Variants in WNK3 observed in about 807,000 individuals in gnomAD.
The protein encoded by WNK3 is serine/threonine-protein kinase WNK3.
Under a neutral mutation model 116.7 loss-of-function variants are expected in WNK3, and 18 were observed. The ratio of observed to expected loss-of-function variants is 0.15; its 90% CI spans 0.11 to 0.23. WNK3 has a LOEUF of 0.23. WNK3 is among the 10% of genes least tolerant of loss of function. WNK3 has a pLI of 1.00. For missense variants in WNK3, 993 were observed against 1,323.8 expected, an observed-to-expected ratio of 0.75 and a Z score of 3.88; for synonymous variants, 404 against 469.4, an observed-to-expected ratio of 0.86 and a Z score of 1.80.
At chrX:54,268,080 GCACACACACA>G (rs57010526) in intron 10 of WNK3, among the ~76,000 whole-genome samples, 127 of 80,797 alleles carry the variant, frequency 1.6e-3, no homozygotes, top group South Asian at 8.7e-3. Flanking sequence ...CTGAATGCGT[GCACACACACA>G]CACACACACA....
intron 19 of WNK3, among the ~76,000 whole-genome samples, chrX:54,238,101 C>T (rs781791982): frequency 4.5e-5 from 5 of 110,193 alleles, no homozygotes; most frequent in Admixed American, 9.8e-5. Flanking sequence ...GGTGTGGTGG[C>T]GCGCACTTGT....
intron 17 of WNK3, among the ~76,000 whole-genome samples, chrX:54,246,393 T>C (rs1557152695): frequency 9.3e-6 from 1 of 107,727 alleles, no homozygotes; most frequent in Admixed American, 9.9e-5. Flanking sequence ...GAACATAAGG[T>C]TTTAAAAAAT....
chrX:54,284,346 T>A (rs1005275501), intron 10 of WNK3, among the ~76,000 whole-genome samples: 1 of 111,731 alleles, frequency 9.0e-6, no homozygotes, highest in Admixed American at 9.6e-5. Flanking sequence ...CACGATGAGA[T>A]ACCACTATAC....
At chrX:54,266,807 G>A (rs1371427274) in intron 10 of WNK3, among the ~76,000 whole-genome samples, 1 of 110,752 alleles carries the variant, frequency 9.0e-6, no homozygotes, top group Non-Finnish European at 1.9e-5. Flanking sequence ...CATGTGCCAT[G>A]GTGGTTTGCT....
At position 54,212,397 on chromosome X, in the gene WNK3, C is replaced by T. The variant is rs146258122; in HGVS notation, c.4871-10204G>A. On this transcript the variant is annotated intron_variant, in intron 22 of 23. Coordinates refer to ENST00000354646, the Ensembl canonical transcript of WNK3. ...GCACAGAAAAGGCACAAAGAATGAA[C>T]CTTAATATATGCAAGTTTAAAAAGC... Among the ~76,000 whole-genome samples, 568 of 111,146 alleles carry T rather than the reference C, an allele frequency of 5.1e-3. 6 individuals carry two copies. The highest frequency in any genetic ancestry group is 0.018 in the African/African-American group (554 of 30,672).
chrX:54,207,368 C>G (rs1303280361), intron 22 of WNK3, among the ~76,000 whole-genome samples: 10 of 111,309 alleles, frequency 9.0e-5, no homozygotes, highest in Admixed American at 8.7e-4. Context: ...TGTAAATCCT[C>G]CATTTCACCC....
chrX:54,211,924 C>CA (rs782076963), intron 22 of WNK3, among the ~76,000 whole-genome samples: 4,269 of 105,019 alleles, frequency 0.041, 95 homozygotes, highest in Non-Finnish European at 0.067. Context: ...ATTTAGAACT[C>CA]AAAAAAAAAA....
intron 19 of WNK3, among the ~76,000 whole-genome samples, 182 bp from the exon 20 acceptor site, chrX:54,237,733 A>G (rs1265300281): frequency 9.0e-6 from 1 of 111,510 alleles, no homozygotes; most frequent in Non-Finnish European, 1.9e-5. Flanking sequence ...AAATTCCACA[A>G]TTAGAGTTGC....
chrX:54,332,731 C>A (rs1397910534), intron 2 of WNK3, among the ~76,000 whole-genome samples: 5 of 109,205 alleles, frequency 4.6e-5, no homozygotes, highest in African/African-American at 1.3e-4. Flanking sequence ...TACTAAAAAA[C>A]CAAAAAATTA....
intron 5 of WNK3, among the ~76,000 whole-genome samples, chrX:54,302,719 C>CTG (rs2147142694): frequency 3.2e-5 from 1 of 31,242 alleles, no homozygotes; most frequent in South Asian, 1.9e-3. Context: ...CTCTCTCTCT[C>CTG]TCTCTCTCTC....
intron 17 of WNK3, among the ~76,000 whole-genome samples, chrX:54,246,327 T>C (rs1391354308): frequency 9.1e-6 from 1 of 109,983 alleles, no homozygotes; most frequent in Non-Finnish European, 1.9e-5. Flanking sequence ...TACAGCTGAA[T>C]ACCAAGAGAG....
chrX:54,284,017 G>C (rs782169570), intron 10 of WNK3, among the ~76,000 whole-genome samples: 1 of 110,521 alleles, frequency 9.0e-6, no homozygotes, highest in Admixed American at 9.8e-5. Flanking sequence ...GCCACAGAAA[G>C]TAGTAACTAC....
intron 10 of WNK3, among the ~76,000 whole-genome samples, chrX:54,264,767 G>T (rs1293854297): frequency 9.0e-6 from 1 of 110,853 alleles, no homozygotes; most frequent in Non-Finnish European, 1.9e-5. Flanking sequence ...GTGATCAAAG[G>T]TCTGTAAGAA....
chrX:54,306,749 T>C (rs1264372006), intron 5 of WNK3, among the ~76,000 whole-genome samples: 1 of 110,697 alleles, frequency 9.0e-6, no homozygotes, highest in Non-Finnish European at 1.9e-5. Flanking sequence ...ATAATAACAA[T>C]AATATACTGT....
intron 21 of WNK3, among the ~76,000 whole-genome samples, chrX:54,231,490 C>T (rs1557148904): frequency 1.8e-5 from 2 of 111,938 alleles, no homozygotes; most frequent in Non-Finnish European, 3.8e-5. Context: ...CTGGCCTTTC[C>T]AGCTTCCAGA....
At chrX:54,227,203 A>T (rs886815234) in intron 22 of WNK3, among the ~76,000 whole-genome samples, 26 of 110,354 alleles carry the variant, frequency 2.4e-4, no homozygotes, top group East Asian at 5.7e-4. Context: ...TGTCTTAAAA[A>T]TTTTTTTTTC....
chrX:54,208,991 C>A (rs782535420), intron 22 of WNK3, among the ~76,000 whole-genome samples: 37 of 111,485 alleles, frequency 3.3e-4, no homozygotes, highest in Non-Finnish European at 5.6e-4. Flanking sequence ...CTCAGAGGCA[C>A]GTACTAAAAT....
chrX:54,251,751 A>G lies in WNK3; in HGVS notation c.2368-64T>C. ...TTTCTTCAAAGTTATAATATTATAT[A>G]AATAGTGACTATCACATAAAGAAAG... On this transcript the variant is annotated intron_variant, in intron 13 of 23. Coordinates refer to ENST00000354646, the Ensembl canonical transcript of WNK3. The G allele has an allele frequency of 7.5e-6, 8 of 1,060,253 alleles. No homozygotes were observed. In the South Asian group the frequency reaches 1.9e-4, roughly 25 times the overall value. The allele number at this position is 1,060,253 out of a possible 1,213,427, so 87.4% of individuals were successfully genotyped here.
At chrX:54,295,438 C>T (rs1461877549) in intron 7 of WNK3, among the ~76,000 whole-genome samples, 1 of 111,429 alleles carries the variant, frequency 9.0e-6, no homozygotes, top group Non-Finnish European at 1.9e-5. Context: ...TAATTTAGAA[C>T]TGCCATTACG....
Sources: gnomAD v4.1 joint callset for allele counts (sites outside exome capture counted in the v4.1 genomes callset) on GRCh38, gnomAD v4.1.1 for gene constraint, MANE v1.5 for transcripts, NCBI Gene and HGNC (gene_info 2026-07-23, HGNC 2026-07-21) for gene names.